The following GRIA2 variants were observed in gnomAD, a reference collection of about 807,000 sequenced individuals.
The protein encoded by GRIA2 is glutamate receptor 2.
In GRIA2, 14 loss-of-function variants were observed where a neutral mutation model predicts 97.3. The observed-to-expected ratio is 0.14, with a 90% CI of 0.10 to 0.23. GRIA2 has a LOEUF of 0.23. GRIA2 is among the 10% of genes least tolerant of loss of function. The pLI is 1.00. For missense variants in GRIA2, 558 were observed against 1,069.8 expected (o/e 0.52, Z 6.67); for synonymous variants, 412 against 387.8 (o/e 1.06, Z -0.73).
At chr4:157,287,662 A>G (rs1188764841) in intron 2 of GRIA2, among the ~76,000 whole-genome samples, 1 of 151,574 alleles carries the variant, frequency 6.6e-6, no homozygotes, top group Non-Finnish European at 1.5e-5. Context: ...GAGTTCCAAG[A>G]GGTGACTTTT....
At chr4:157,258,705 G>A (rs985729531) in intron 2 of GRIA2, among the ~76,000 whole-genome samples, 16 of 151,882 alleles carry the variant, frequency 1.1e-4, no homozygotes, top group African/African-American at 3.6e-4. Context: ...CTGGTTTTGC[G>A]GCTTCTGGGG....
chr4:157,297,313 T>G (rs1406360284), intron 2 of GRIA2, among the ~76,000 whole-genome samples: 3 of 152,090 alleles, frequency 2.0e-5, no homozygotes, highest in African/African-American at 4.8e-5. Flanking sequence ...TTTCAACACA[T>G]AAGCACTTGT....
chr4:157,260,294 T>A (rs987773964), intron 2 of GRIA2, among the ~76,000 whole-genome samples: 3 of 152,230 alleles, frequency 2.0e-5, no homozygotes, highest in African/African-American at 7.2e-5. Flanking sequence ...ATACTGTTAA[T>A]TACAATAAAA....
At chr4:157,333,118 G>A (rs1184168196) in intron 7 of GRIA2, 131 bp from the exon 8 acceptor site, 16 of 931,304 alleles carry the variant, frequency 1.7e-5, no homozygotes, top group Non-Finnish European at 2.6e-5. Context: ...CAACACAAAG[G>A]TAGGTTGAAG....
At chr4:157,292,175 A>G (rs1733135194) in intron 2 of GRIA2, among the ~76,000 whole-genome samples, 1 of 152,040 alleles carries the variant, frequency 6.6e-6, no homozygotes, top group Non-Finnish European at 1.5e-5. Context: ...GCAAAAGGAC[A>G]CTGACAGCAA....
chr4:157,230,270 A>G (rs1729941852), intron 2 of GRIA2, among the ~76,000 whole-genome samples: 1 of 151,896 alleles, frequency 6.6e-6, no homozygotes, highest in Non-Finnish European at 1.5e-5. Context: ...CAATTTTTTT[A>G]TATATATTAT....
Position 157,264,152 on chromosome 4 carries a change from A to C in GRIA2, c.230-39400A>C, listed in dbSNP as rs1731666773. ...TATAAGTTCACCACATTGATTGGGT[A>C]ATGTATTGGCTTTCTATTGCTGCCA... On this transcript the variant is annotated intron_variant, in intron 2 of 15. Transcript: ENST00000264426. 2.0e-5 allele frequency among the ~76,000 whole-genome samples: 3 copies of C among 152,078 alleles called. No homozygotes were observed. In the South Asian group the frequency reaches 6.2e-4, roughly 32 times the overall value.
At chr4:157,228,790 CAAAA>C in intron 2 of GRIA2, among the ~76,000 whole-genome samples, 1 of 39,764 alleles carries the variant, frequency 2.5e-5, no homozygotes, top group Admixed American at 5.4e-4. Context: ...GATTCCATCT[CAAAA>C]AAAAAAAAAA....
At chr4:157,285,340 G>C (rs1281155232) in intron 2 of GRIA2, among the ~76,000 whole-genome samples, 1 of 151,204 alleles carries the variant, frequency 6.6e-6, no homozygotes, top group Middle Eastern at 3.2e-3. Flanking sequence ...CAGATATCTC[G>C]ATTAATGTTG....
intron 2 of GRIA2, among the ~76,000 whole-genome samples, chr4:157,295,202 A>G (rs185657034): frequency 5.6e-4 from 86 of 152,270 alleles, no homozygotes; most frequent in Non-Finnish European, 1.0e-3. Context: ...CTCAGCAAAC[A>G]TAACATGAAG....
At chr4:157,238,579 AG>A (rs1366814520) in intron 2 of GRIA2, among the ~76,000 whole-genome samples, 1 of 152,146 alleles carries the variant, frequency 6.6e-6, no homozygotes, top group African/African-American at 2.4e-5. Flanking sequence ...TAAACTTCAT[AG>A]CTTCATAATA....
At chr4:157,311,379 C>T (rs1159420721) in intron 3 of GRIA2, among the ~76,000 whole-genome samples, 2 of 151,952 alleles carry the variant, frequency 1.3e-5, no homozygotes, top group East Asian at 3.9e-4. Flanking sequence ...TTCAAATTAG[C>T]TCCTGTGTGC....
intron 2 of GRIA2, among the ~76,000 whole-genome samples, chr4:157,273,685 C>A (rs1732142638): frequency 1.3e-5 from 2 of 151,734 alleles, no homozygotes; most frequent in South Asian, 4.2e-4. Context: ...AACTAAAAAA[C>A]AGAGAGAAAA....
chr4:157,330,062 AC>A (rs1479143779), intron 6 of GRIA2, among the ~76,000 whole-genome samples: 1 of 151,956 alleles, frequency 6.6e-6, no homozygotes, highest in Non-Finnish European at 1.5e-5. Context: ...GAAACTGTCT[AC>A]CTCAGGCTTG....
chr4:157,276,475 G>C (rs532104157), intron 2 of GRIA2, among the ~76,000 whole-genome samples: 1 of 151,890 alleles, frequency 6.6e-6, no homozygotes, highest in Admixed American at 6.6e-5. Context: ...TAGGAAACTG[G>C]ATAATGAAGA....
At chr4:157,273,715 C>T (rs1450004962) in intron 2 of GRIA2, among the ~76,000 whole-genome samples, 1 of 151,884 alleles carries the variant, frequency 6.6e-6, no homozygotes, top group Non-Finnish European at 1.5e-5. Flanking sequence ...AAAAGTAAAA[C>T]AGAATAGCCA....
intron 12 of GRIA2, among the ~76,000 whole-genome samples, chr4:157,343,970 G>T (rs1330961189): frequency 2.6e-5 from 4 of 151,880 alleles, no homozygotes; most frequent in Non-Finnish European, 5.9e-5. Flanking sequence ...TTTTGCTTCT[G>T]GTTCTCAAAA....
chr4:157,345,507 T>G (rs1467094226), intron 12 of GRIA2, among the ~76,000 whole-genome samples: 1 of 152,136 alleles, frequency 6.6e-6, no homozygotes. Flanking sequence ...GAGCTTCACA[T>G]TTTAATAATT....
intron 2 of GRIA2, among the ~76,000 whole-genome samples, chr4:157,223,611 A>G (rs1234409311): frequency 6.6e-6 from 1 of 152,188 alleles, no homozygotes; most frequent in Non-Finnish European, 1.5e-5. Context: ...TTTGTCATGC[A>G]ACTGTTCTGA....
Sources: allele counts gnomAD v4.1 joint callset (sites outside exome capture counted in the v4.1 genomes callset), GRCh38; gene constraint gnomAD v4.1.1; transcripts MANE v1.5; gene names NCBI Gene and HGNC (gene_info 2026-07-23, HGNC 2026-07-21).